The following CHST8 variants were observed in gnomAD, a reference collection of about 807,000 sequenced individuals.
CHST8 encodes carbohydrate sulfotransferase 8.
CHST8 carries 10 observed loss-of-function variants against 15.0 expected under a neutral mutation model. That is an observed-to-expected ratio of 0.67 (90% CI 0.41 to 1.13). The LOEUF (loss-of-function observed/expected upper bound fraction) is 1.13, where lower values mean the gene tolerates loss of function less well. Among genes scored for constraint, CHST8 ranks in the 50% most tolerant of loss-of-function variants. The pLI is 0.00. For missense variants in CHST8, 634 were observed against 608.2 expected (o/e 1.04, Z -0.45); for synonymous variants, 259 against 256.6 (o/e 1.01, Z -0.09).
At chr19:33,719,513 G>A (rs1477491710) in intron 3 of CHST8, among the ~76,000 whole-genome samples, 22 of 152,088 alleles carry the variant, frequency 1.4e-4, no homozygotes, top group Admixed American at 1.4e-3. Context: ...TGCTGAAAAT[G>A]AGTGTTCCCT....
intron 2 of CHST8, among the ~76,000 whole-genome samples, chr19:33,671,889 A>G (rs1972743080): frequency 6.6e-6 from 1 of 151,954 alleles, no homozygotes; most frequent in Non-Finnish European, 1.5e-5. Context: ...TTAAATATTT[A>G]CCACATGTGT....
At chr19:33,740,347 C>G (rs942211524) in intron 3 of CHST8, among the ~76,000 whole-genome samples, 1 of 152,172 alleles carries the variant, frequency 6.6e-6, no homozygotes, top group Non-Finnish European at 1.5e-5. Flanking sequence ...TCATGGAAAC[C>G]ACATGCCATA....
chr19:33,746,090 C>G (rs922804356), intron 3 of CHST8, among the ~76,000 whole-genome samples: 1 of 152,204 alleles, frequency 6.6e-6, no homozygotes, highest in African/African-American at 2.4e-5. Context: ...TTTATAAAAG[C>G]CTTTTCCTTC....
At chr19:33,708,934 A>C (rs1484083165) in intron 3 of CHST8, among the ~76,000 whole-genome samples, 1 of 152,222 alleles carries the variant, frequency 6.6e-6, no homozygotes, top group African/African-American at 2.4e-5. Flanking sequence ...TCAGTATACA[A>C]GTCTTATCTT....
At chr19:33,746,304 A>G (rs1974312092) in intron 3 of CHST8, among the ~76,000 whole-genome samples, 1 of 152,160 alleles carries the variant, frequency 6.6e-6, no homozygotes, top group South Asian at 2.1e-4. Flanking sequence ...GGAGACGTGA[A>G]ACATTTCCCC....
At chr19:33,647,183 A>C (rs993003825) in intron 1 of CHST8, among the ~76,000 whole-genome samples, 1 of 152,230 alleles carries the variant, frequency 6.6e-6, no homozygotes, top group Non-Finnish European at 1.5e-5. Flanking sequence ...ATAGAGACAC[A>C]AAGAGGACCA....
chr19:33,677,250 T>C (rs572379677), intron 2 of CHST8, among the ~76,000 whole-genome samples: 55 of 152,272 alleles, frequency 3.6e-4, no homozygotes, highest in African/African-American at 1.3e-3. Context: ...CCCACATCCC[T>C]GCCCCACCTG....
chr19:33,675,301 G>A (rs969154035), intron 2 of CHST8, among the ~76,000 whole-genome samples: 3 of 152,328 alleles, frequency 2.0e-5, no homozygotes, highest in Non-Finnish European at 4.4e-5. Context: ...CCCTTGTTGC[G>A]GATGGGGCTC....
intron 3 of CHST8, among the ~76,000 whole-genome samples, chr19:33,752,166 G>A (rs1488538298): frequency 1.3e-5 from 2 of 152,216 alleles, no homozygotes; most frequent in African/African-American, 4.8e-5. Context: ...GGAGCCCTGG[G>A]ATGAAGTAGG....
chr19:33,679,201 A>G (rs1972852498), intron 2 of CHST8, among the ~76,000 whole-genome samples: 1 of 152,230 alleles, frequency 6.6e-6, no homozygotes, highest in South Asian at 2.1e-4. Flanking sequence ...TTCAATTTTG[A>G]GAAGTAAATA....
At chr19:33,677,387 G>T (rs753029421) in intron 2 of CHST8, among the ~76,000 whole-genome samples, 2 of 152,216 alleles carry the variant, frequency 1.3e-5, no homozygotes, top group Non-Finnish European at 2.9e-5. Context: ...TAGAAAAGAG[G>T]CTGCAGGCTT....
chr19:33,634,850 C>T (rs1738865978), intron 1 of CHST8, among the ~76,000 whole-genome samples: 1 of 152,114 alleles, frequency 6.6e-6, no homozygotes, highest in African/African-American at 2.4e-5. Flanking sequence ...ACTCGTTAGT[C>T]AACTGGGCTG....
At chr19:33,622,669 A>T (rs1423132188) in intron 1 of CHST8, among the ~76,000 whole-genome samples, 4 of 151,944 alleles carry the variant, frequency 2.6e-5, no homozygotes, top group Admixed American at 1.3e-4. Flanking sequence ...GCGAGCGCCG[A>T]GGGCCAGGCA....
chr19:33,686,936 C>G (rs1972991514), intron 2 of CHST8, among the ~76,000 whole-genome samples: 1 of 152,212 alleles, frequency 6.6e-6, no homozygotes, highest in Admixed American at 6.5e-5. Context: ...CATGACCGTG[C>G]AATAGCAGCT....
At chr19:33,723,071 C>T (rs1365409783) in intron 3 of CHST8, among the ~76,000 whole-genome samples, 2 of 152,222 alleles carry the variant, frequency 1.3e-5, no homozygotes, top group Non-Finnish European at 2.9e-5. Context: ...GCCTGGCTCA[C>T]ATTTCCACTC....
chr19:33,720,977 A>T lies in CHST8; in HGVS notation c.130+31586A>T, dbSNP rs557399628. Among the ~76,000 whole-genome samples the T allele has an allele frequency of 4.6e-5, 7 of 152,346 alleles. No individual in the cohort carries two copies. In the South Asian group the frequency reaches 1.5e-3, roughly 32 times the overall value. ...CCCAAGCCAGGGTGGCTACAGTTTG[A>T]TCTGACCAGAGTTGCCCTGTCTGTC... On this transcript the variant is annotated intron_variant, in intron 3 of 4. Transcript: ENST00000650847.
intron 2 of CHST8, among the ~76,000 whole-genome samples, chr19:33,679,023 C>T (rs1377523959): frequency 2.0e-5 from 3 of 152,214 alleles, no homozygotes; most frequent in Non-Finnish European, 4.4e-5. Flanking sequence ...CCTCTGGGGC[C>T]TCCTTGTGCC....
At chr19:33,749,509 G>A (rs1974374915) in intron 3 of CHST8, among the ~76,000 whole-genome samples, 1 of 148,402 alleles carries the variant, frequency 6.7e-6, no homozygotes, top group Non-Finnish European at 1.5e-5. Context: ...CCGATGCTAT[G>A]AGCTCTTCAC....
chr19:33,683,483 G>A (rs1972924893), intron 2 of CHST8, among the ~76,000 whole-genome samples: 2 of 152,190 alleles, frequency 1.3e-5, no homozygotes, highest in African/African-American at 4.8e-5. Context: ...CCTGGGGGCC[G>A]TTTCTTCCTT....
Sources: gnomAD v4.1 joint callset for allele counts (sites outside exome capture counted in the v4.1 genomes callset) on GRCh38, gnomAD v4.1.1 for gene constraint, MANE v1.5 for transcripts, NCBI Gene and HGNC (gene_info 2026-07-23, HGNC 2026-07-21) for gene names.